Variants in FOLH1 observed in about 807,000 individuals in gnomAD.
FOLH1 encodes the protein folate hydrolase 1.
In FOLH1, 54 loss-of-function variants were observed where a neutral mutation model predicts 93.9. The ratio of observed to expected loss-of-function variants is 0.57; its 90% confidence interval spans 0.46 to 0.72. The LOEUF (loss-of-function observed/expected upper bound fraction) is 0.72, where lower values mean the gene tolerates loss of function less well. Among genes scored for constraint, FOLH1 ranks in the 30% least tolerant of loss-of-function variants. FOLH1 has a pLI of 0.00. For missense variants in FOLH1, 571 were observed against 892.5 expected (o/e 0.64, Z 4.59); for synonymous variants, 249 against 303.6 (o/e 0.82, Z 1.87).
chr11:49,155,169 T>A (rs1856874538), intron 15 of FOLH1, among the ~76,000 whole-genome samples: 1 of 152,184 alleles, frequency 6.6e-6, no homozygotes, highest in Admixed American at 6.6e-5. Flanking sequence ...TGTACTGATG[T>A]GTTGAAGAGA....
chr11:49,157,392 G>A (rs1393479085), intron 14 of FOLH1, among the ~76,000 whole-genome samples: 1 of 152,056 alleles, frequency 6.6e-6, no homozygotes, highest in African/African-American at 2.4e-5. Flanking sequence ...ATCATGGGTT[G>A]AGTATCCCTA....
At position 49,174,812 on chromosome 11, in the gene FOLH1, C is replaced by T. The variant is rs533433837; in HGVS notation, c.1105+80G>A. ...TTGTTTGTTTGTTTGTTTTGATTCA[C>T]TTTGCACTCCCAGAGCTTGGTAGTA... is the stretch of plus-strand genomic sequence containing the variant. On this transcript the variant is annotated intron_variant, in intron 9 of 18. Coordinates refer to ENST00000256999, the MANE Select transcript of FOLH1 (RefSeq NM_004476.3). 11 of 1,183,960 alleles carry T rather than the reference C, an allele frequency of 9.3e-6. No homozygotes were observed. In the South Asian group the frequency reaches 1.3e-4, roughly 14 times the overall value. The allele number at this position is 1,183,960 out of a possible 1,614,324, so 73.3% of individuals were successfully genotyped here. A position where few individuals can be genotyped will look rare whatever the true frequency, so the allele number is the denominator to read the frequency against.
chr11:49,207,817 C>G (rs1291553125), intron 1 of FOLH1: 3 of 451,096 alleles, frequency 6.7e-6, no homozygotes, highest in Non-Finnish European at 1.3e-5. Context: ...AATCAGTACC[C>G]AGGAAAAACA....
intron 10 of FOLH1, 77 bp from the exon 11 acceptor site, chr11:49,171,354 A>T: frequency 7.2e-5 from 4 of 55,694 alleles, no homozygotes; most frequent in Non-Finnish European, 1.4e-4. Context: ...CCCAGATTGG[A>T]AAAAAAAAAA....
intron 3 of FOLH1, among the ~76,000 whole-genome samples, chr11:49,199,422 T>A (rs1424029700): frequency 6.6e-6 from 1 of 152,162 alleles, no homozygotes; most frequent in Non-Finnish European, 1.5e-5. Flanking sequence ...AATACCATGC[T>A]AAAATACCTT....
intron 3 of FOLH1, among the ~76,000 whole-genome samples, chr11:49,193,130 TA>T (rs971184207): frequency 1.3e-5 from 2 of 151,810 alleles, no homozygotes; most frequent in South Asian, 4.2e-4. Context: ...GAAACAAAGC[TA>T]AAAAAACCCC....
At position 49,206,099 on chromosome 11, in the gene FOLH1, T is replaced by C. The variant is rs372054306; in HGVS notation, c.192A>G (p.Glu64=). The change falls in exon 2 of 19, where the codon GAA becomes GAG. Residue 64 remains glutamate (E), a synonymous_variant. Transcript: ENST00000256999. ...PKHNMKAFLD[E]LKAENIKKFL... ...ACTTCTTGATGTTCTCAGCTTTCAA[T>C]TCATCCAAAAATGCTTTCATATTAT... is the stretch of plus-strand genomic sequence containing the variant. The C allele has an allele frequency of 1.3e-5, 21 of 1,612,522 alleles. No homozygotes were observed. Among genetic ancestry groups the C allele is most frequent in the Non-Finnish European group, 1.5e-5 (18 of 1,179,338 alleles).
chr11:49,147,344 A>G (rs1033612264), intron 18 of FOLH1, among the ~76,000 whole-genome samples: 4 of 152,152 alleles, frequency 2.6e-5, no homozygotes. Flanking sequence ...AAGGCACACG[A>G]CAAGTAACTG....
intron 17 of FOLH1, among the ~76,000 whole-genome samples, chr11:49,150,338 A>G (rs947029703): frequency 1.3e-5 from 2 of 152,190 alleles, no homozygotes; most frequent in African/African-American, 2.4e-5. Flanking sequence ...TCAGGCTTAT[A>G]AAAGCACAGA....
chr11:49,171,070 G>A (rs1272989513), intron 11 of FOLH1, 125 bp downstream of exon 11: 66 of 1,151,898 alleles, frequency 5.7e-5, no homozygotes, highest in Non-Finnish European at 9.4e-6. Flanking sequence ...TGTTACTTCA[G>A]ATTTTGGGGA....
intron 4 of FOLH1, 79 bp downstream of exon 4, chr11:49,192,714 C>G (rs1227497038): frequency 8.1e-7 from 1 of 1,238,816 alleles, no homozygotes; most frequent in African/African-American, 1.5e-5. Flanking sequence ...CCCTTTATGA[C>G]CCTTTAATTA....
intron 7 of FOLH1, among the ~76,000 whole-genome samples, chr11:49,180,275 G>A (rs1476508826): frequency 6.6e-6 from 1 of 152,188 alleles, no homozygotes; most frequent in Non-Finnish European, 1.5e-5. Flanking sequence ...CTCCATGCAG[G>A]ATACATGCTA....
rs764302751 is a variant in FOLH1, at chr11:49,174,881, G to A, written c.1105+11C>T. 10 of 1,595,462 alleles carry A rather than the reference G, an allele frequency of 6.3e-6. No individual in the cohort carries two copies. Among genetic ancestry groups the A allele is most frequent in the East Asian group, 4.5e-5 (2 of 44,754 alleles). ...CTTGATCAATATTTGCTAAGCAAAC[G>A]ATTCCTTTACCTGGTTCCACTGCTC... On this transcript the variant is annotated intron_variant, in intron 9 of 18. Coordinates refer to ENST00000256999, the MANE Select transcript of FOLH1 (RefSeq NM_004476.3).
In FOLH1 at chr11:49,171,294, T is replaced by C. The variant is rs747943356; in HGVS notation, c.1226-17A>G. On this transcript the variant is annotated splice_polypyrimidine_tract_variant and intron_variant, in intron 10 of 18. Transcript: ENST00000256999. ...GTCTCCACCCTAAAATGTATGTGTA[T>C]ATATAAATGATAGAAAAAAAATTCA... 3.3e-5 allele frequency: 50 copies of C among 1,537,710 alleles called. No homozygotes were observed. The highest frequency in any genetic ancestry group is 4.4e-5 in the Non-Finnish European group (50 of 1,145,360).
intron 16 of FOLH1, 51 bp from the exon 17 acceptor site, chr11:49,153,978 G>T (rs1856734818): frequency 1.4e-6 from 2 of 1,451,870 alleles, no homozygotes; most frequent in South Asian, 1.3e-5. Flanking sequence ...AATTTCTAAT[G>T]GCACTGCTCT....
chr11:49,175,865 G>A lies in FOLH1; in HGVS notation c.1013C>T (p.Ser338Phe). ...NVGPGFTGNF[S>F]TQKVKMHIHS... ...ATTAAAATAGTCTCTTAACTGTGTA[G>A]AAAAGTTTCCAGTAAAGCCAGGTCC... The change falls in exon 8 of 19, where the codon TCT becomes TTT. Residue 338 changes from serine to phenylalanine, a missense_variant. Physicochemically the swap from Ser to Phe is radical, Grantham distance 155 (BLOSUM62 -2). Transcript: ENST00000256999. The A allele has an allele frequency of 6.2e-7, 1 of 1,613,146 alleles. No homozygotes were observed. The highest frequency in any genetic ancestry group is 8.5e-7 in the Non-Finnish European group (1 of 1,179,530).
intron 1 of FOLH1, chr11:49,207,966 A>G (rs1468112414): frequency 1.7e-6 from 1 of 579,096 alleles, no homozygotes; most frequent in African/African-American, 1.9e-5. Context: ...ACAAAACAAA[A>G]CAAAACAAAA....
intron 7 of FOLH1, among the ~76,000 whole-genome samples, chr11:49,178,016 A>C (rs1379977568): frequency 2.6e-5 from 4 of 151,942 alleles, no homozygotes; most frequent in African/African-American, 9.7e-5. Context: ...AGGCATGTAC[A>C]CATAGAGGGT....
intron 5 of FOLH1, among the ~76,000 whole-genome samples, chr11:49,186,327 A>G (rs1861375669): frequency 6.6e-6 from 1 of 152,232 alleles, no homozygotes; most frequent in Non-Finnish European, 1.5e-5. Flanking sequence ...ATTTTTGTAG[A>G]AAATATTTAA....
Sources: allele counts gnomAD v4.1 joint callset (sites outside exome capture counted in the v4.1 genomes callset), GRCh38; gene constraint gnomAD v4.1.1; transcripts MANE v1.5; gene names NCBI Gene and HGNC (gene_info 2026-07-23, HGNC 2026-07-21).